The following ARHGAP26 variants were observed in gnomAD, a reference collection of about 807,000 sequenced individuals.
ARHGAP26 encodes rho GTPase-activating protein 26.
ARHGAP26 carries 38 observed loss-of-function variants against 104.8 expected under a neutral mutation model. The ratio of observed to expected loss-of-function variants is 0.36; its 90% CI spans 0.28 to 0.48. The LOEUF (loss-of-function observed/expected upper bound fraction) is 0.48, where lower values mean the gene tolerates loss of function less well. ARHGAP26 is among the 20% of genes least tolerant of loss of function. The pLI, the probability that ARHGAP26 is intolerant of heterozygous loss-of-function variation, is 0.99. For synonymous variants in ARHGAP26, 341 were observed against 340.0 expected (o/e 1.00, Z -0.03); for missense variants, 704 against 947.9 (o/e 0.74, Z 3.38).
intron 1 of ARHGAP26, among the ~76,000 whole-genome samples, chr5:142,843,386 G>A (rs1007787584): frequency 6.6e-6 from 1 of 152,210 alleles, no homozygotes; most frequent in African/African-American, 2.4e-5. Flanking sequence ...CTAATGTAGG[G>A]TTCATCCACA....
intron 11 of ARHGAP26, among the ~76,000 whole-genome samples, chr5:142,953,120 T>C (rs759679780): frequency 2.0e-4 from 31 of 152,180 alleles, no homozygotes; most frequent in Non-Finnish European, 2.9e-4. Context: ...TGGTTTAGCT[T>C]GACAAAATGA....
intron 11 of ARHGAP26, among the ~76,000 whole-genome samples, chr5:142,970,138 G>T (rs1439962306): frequency 6.6e-6 from 1 of 152,200 alleles, no homozygotes; most frequent in Non-Finnish European, 1.5e-5. Context: ...AGAGTTGGTT[G>T]TAGGAAAATT....
At chr5:143,068,466 C>T (rs1787823260) in intron 17 of ARHGAP26, among the ~76,000 whole-genome samples, 1 of 152,182 alleles carries the variant, frequency 6.6e-6, no homozygotes, top group Non-Finnish European at 1.5e-5. Flanking sequence ...ACAGGGGAAC[C>T]CAGTGCTCCT....
chr5:143,053,271 C>T (rs1170463409), intron 14 of ARHGAP26, among the ~76,000 whole-genome samples: 1 of 152,078 alleles, frequency 6.6e-6, no homozygotes, highest in Non-Finnish European at 1.5e-5. Context: ...ATACTTTTGG[C>T]CAGTCTGTCC....
intron 11 of ARHGAP26, among the ~76,000 whole-genome samples, chr5:142,957,909 G>A (rs78091336): frequency 0.013 from 1,984 of 152,326 alleles, 42 homozygotes; most frequent in African/African-American, 0.045. Context: ...ATCTGCAAAC[G>A]TACTTGAACT....
At chr5:142,881,256 A>T (rs1307478405) in intron 4 of ARHGAP26, among the ~76,000 whole-genome samples, 1 of 152,152 alleles carries the variant, frequency 6.6e-6, no homozygotes, top group African/African-American at 2.4e-5. Context: ...TCTTTTCAGT[A>T]GTTACTTCTC....
intron 13 of ARHGAP26, 95 bp from the exon 14 acceptor site, chr5:143,041,721 T>C: frequency 3.2e-6 from 2 of 625,608 alleles, no homozygotes; most frequent in African/African-American, 1.1e-4. Flanking sequence ...ACTGAGAAAA[T>C]GAAAAAAAAA....
chr5:142,838,670 A>G (rs1327807173), intron 1 of ARHGAP26, among the ~76,000 whole-genome samples: 1 of 152,182 alleles, frequency 6.6e-6, no homozygotes, highest in East Asian at 1.9e-4. Context: ...AGTGGGGCTT[A>G]TATATTATTG....
At chr5:143,063,022 ACACC>A (rs1786956256) in intron 17 of ARHGAP26, among the ~76,000 whole-genome samples, 2 of 152,194 alleles carry the variant, frequency 1.3e-5, no homozygotes, top group Non-Finnish European at 2.9e-5. Context: ...CCTCAGCCAT[ACACC>A]CTGGCTCCGG....
intron 1 of ARHGAP26, chr5:142,772,871 G>A (rs766548725): frequency 1.9e-6 from 1 of 533,520 alleles, no homozygotes; most frequent in Non-Finnish European, 3.8e-6. Context: ...GTGACTGGCA[G>A]TTTTCCTACC....
At chr5:142,938,096 G>GTCTA (rs1286813701) in intron 11 of ARHGAP26, among the ~76,000 whole-genome samples, 2 of 152,228 alleles carry the variant, frequency 1.3e-5, no homozygotes, top group African/African-American at 4.8e-5. Context: ...AACGAGTATA[G>GTCTA]TCTAGTTAAC....
At chr5:142,784,618 G>A (rs1326441513) in intron 1 of ARHGAP26, among the ~76,000 whole-genome samples, 3 of 152,078 alleles carry the variant, frequency 2.0e-5, no homozygotes, top group East Asian at 1.9e-4. Flanking sequence ...TTAATGTGCC[G>A]TCTCAATCAG....
At chr5:143,031,091 CCA>C (rs1277207728) in intron 12 of ARHGAP26, among the ~76,000 whole-genome samples, 2 of 152,222 alleles carry the variant, frequency 1.3e-5, no homozygotes, top group Non-Finnish European at 2.9e-5. Context: ...CGTGCGAAAT[CCA>C]CAGTCTGTGC....
intron 18 of ARHGAP26, among the ~76,000 whole-genome samples, chr5:143,128,092 G>GAT (rs1796915577): frequency 6.6e-6 from 1 of 152,192 alleles, no homozygotes; most frequent in Non-Finnish European, 1.5e-5. Flanking sequence ...TGTTGAGCTA[G>GAT]AATGCTTCTG....
At chr5:143,041,741 AGT>A in intron 13 of ARHGAP26, 73 bp from the exon 14 acceptor site, 3 of 994,582 alleles carry the variant, frequency 3.0e-6, no homozygotes, top group Admixed American at 2.8e-5. Context: ...AAAAAAAAAA[AGT>A]GCATTTGGCT....
chr5:142,908,387 C>G (rs1761399980), intron 9 of ARHGAP26, among the ~76,000 whole-genome samples: 1 of 152,220 alleles, frequency 6.6e-6, no homozygotes, highest in South Asian at 2.1e-4. Context: ...GCAGCTCAAG[C>G]TGGCCAGATA....
intron 22 of ARHGAP26, 131 bp from the exon 23 acceptor site, chr5:143,222,227 A>G: frequency 2.0e-6 from 1 of 507,740 alleles, no homozygotes; most frequent in Admixed American, 3.6e-5. Flanking sequence ...GATTGTACTC[A>G]TTGTCCAAGC....
chr5:142,771,165 C>A (rs1293225471), intron 1 of ARHGAP26: 11 of 1,290,224 alleles, frequency 8.5e-6, no homozygotes, highest in Middle Eastern at 3.0e-4. Context: ...GCGGGTGGTG[C>A]TCTGGGGCAG....
intron 12 of ARHGAP26, 45 bp downstream of exon 12, chr5:143,014,161 T>C (rs1264075743): frequency 1.2e-6 from 2 of 1,609,748 alleles, no homozygotes; most frequent in Non-Finnish European, 1.7e-6. Flanking sequence ...GGGTTGGGAG[T>C]AGGCTTTGAG....
Sources: allele counts gnomAD v4.1 joint callset (sites outside exome capture counted in the v4.1 genomes callset), GRCh38; gene constraint gnomAD v4.1.1; transcripts MANE v1.5; gene names NCBI Gene and HGNC (gene_info 2026-07-23, HGNC 2026-07-21).